Variants in CALN1 observed in about 807,000 individuals in gnomAD.
CALN1 encodes the protein calcium-binding protein 8.
In CALN1, 17 loss-of-function variants were observed where a neutral mutation model predicts 30.6. That is an observed-to-expected ratio of 0.56 (90% CI 0.38 to 0.83). The LOEUF is 0.83. Ranked by LOEUF, CALN1 falls within the 40% of genes least tolerant of loss-of-function variation. The probability of loss-of-function intolerance (pLI) is 0.00; values close to 1 mark genes in which losing one functional copy is unlikely to be tolerated. For missense variants in CALN1, 291 were observed against 354.9 expected, an observed-to-expected ratio of 0.82 and a Z score of 1.45; for synonymous variants, 156 against 131.4, an observed-to-expected ratio of 1.19 and a Z score of -1.28.
rs1412768322 is a variant in CALN1 at position 71,782,133 on chromosome 7, C to G, written c.*5642G>C. 1 of 152,112 alleles carries G rather than the reference C, an allele frequency of 6.6e-6. No homozygotes were observed. Among genetic ancestry groups the G allele is most frequent in the East Asian group, 1.9e-4 (1 of 5,190 alleles). The allele number at this position is 152,112 out of a possible 1,614,324, so 9.4% of individuals were successfully genotyped here. ...CATTGCTCCAAACCAATCATAGAGG[C>G]TGGATATTTGTTCCCCCCAAATTTC... On this transcript the variant is annotated 3_prime_UTR_variant, in exon 7 of 7. Transcript: ENST00000395275.
intron 3 of CALN1, among the ~76,000 whole-genome samples, chr7:72,226,923 GC>G (rs1793718469): frequency 6.6e-6 from 1 of 152,038 alleles, no homozygotes; most frequent in South Asian, 2.1e-4. Context: ...TATAGTTCCA[GC>G]TACCTGGGAG....
intron 4 of CALN1, among the ~76,000 whole-genome samples, chr7:72,047,167 C>A (rs1802523166): frequency 6.6e-6 from 1 of 152,128 alleles, no homozygotes; most frequent in Admixed American, 6.5e-5. Context: ...AAATTAACTC[C>A]TCCAAATTAT....
intron 4 of CALN1, among the ~76,000 whole-genome samples, chr7:72,038,636 C>T (rs895779098): frequency 1.3e-5 from 2 of 152,024 alleles, no homozygotes; most frequent in Non-Finnish European, 2.9e-5. Flanking sequence ...AATAGGAGGT[C>T]GGCACAAGAT....
At chr7:72,091,675 G>C (rs1805872482) in intron 4 of CALN1, among the ~76,000 whole-genome samples, 1 of 152,176 alleles carries the variant, frequency 6.6e-6, no homozygotes, top group African/African-American at 2.4e-5. Context: ...TAGAGACCAA[G>C]CCAGTCCATC....
intron 5 of CALN1, among the ~76,000 whole-genome samples, chr7:71,981,605 A>G (rs1798396524): frequency 6.6e-6 from 1 of 152,058 alleles, no homozygotes. Context: ...TACAGTGAGC[A>G]GACATCACAC....
chr7:71,840,482 CT>C (rs1789870795), intron 5 of CALN1, among the ~76,000 whole-genome samples: 2 of 68,528 alleles, frequency 2.9e-5, no homozygotes, highest in African/African-American at 1.3e-4. Context: ...AAGATGCTCT[CT>C]TTAAAAAAAA....
intron 2 of CALN1, among the ~76,000 whole-genome samples, chr7:72,317,224 AAAGAG>A (rs1318590658): frequency 7.2e-6 from 1 of 138,586 alleles, no homozygotes; most frequent in East Asian, 2.3e-4. Context: ...AGAGAGAAAG[AAAGAG>A]AAGAGAAGGA....
At chr7:72,373,186 A>G (rs1469046698) in intron 2 of CALN1, among the ~76,000 whole-genome samples, 3 of 152,210 alleles carry the variant, frequency 2.0e-5, no homozygotes, top group African/African-American at 4.8e-5. Flanking sequence ...ATAGACCTAT[A>G]CAAATCACGC....
intron 2 of CALN1, among the ~76,000 whole-genome samples, chr7:72,302,892 T>A (rs1337736623): frequency 8.8e-4 from 10 of 11,428 alleles, no homozygotes; most frequent in Admixed American, 1.4e-3. Flanking sequence ...AGTGAGGGTC[T>A]CAAAAAAAAA....
the CALN1 span, among the ~76,000 whole-genome samples, chr7:72,502,359 T>G: frequency 2.9e-3 from 440 of 149,846 alleles, 6 homozygotes; most frequent in African/African-American, 0.01. Flanking sequence ...GACCTGTCTT[T>G]CAAACTGTGA....
chr7:72,265,448 A>G (rs1796538740), intron 3 of CALN1, among the ~76,000 whole-genome samples: 1 of 152,186 alleles, frequency 6.6e-6, no homozygotes, highest in Non-Finnish European at 1.5e-5. Context: ...GTGTCAGTGA[A>G]GCCAACATCG....
chr7:72,189,601 C>T (rs997574370), intron 3 of CALN1, among the ~76,000 whole-genome samples: 6 of 151,794 alleles, frequency 4.0e-5, no homozygotes, highest in African/African-American at 4.8e-5. Flanking sequence ...GGTGAAACTC[C>T]GTCTCTACTA....
In CALN1 at chr7:71,865,017, A is replaced by C. The variant is rs182014677; in HGVS notation, c.502-54525T>G. Among the ~76,000 whole-genome samples the C allele has an allele frequency of 2.3e-3, 345 of 152,184 alleles. 3 individuals carry two copies. The highest frequency in any genetic ancestry group is 7.9e-3 in the African/African-American group (330 of 41,524). On this transcript the variant is annotated intron_variant, in intron 5 of 6. Coordinates refer to ENST00000395275, the MANE Select transcript of CALN1 (RefSeq NM_031468.4). ...GACCCTGTCTCCAAAAAAGGAAAAA[A>C]GAAAGAAAGAAAGAAAGAAAAGCAA...
At chr7:72,276,309 T>A (rs1797328764) in intron 3 of CALN1, among the ~76,000 whole-genome samples, 1 of 152,086 alleles carries the variant, frequency 6.6e-6, no homozygotes, top group African/African-American at 2.4e-5. Context: ...CAGTGAAGAC[T>A]CCCATAGGTA....
At chr7:72,088,707 A>AG (rs1805645809) in intron 4 of CALN1, among the ~76,000 whole-genome samples, 1 of 150,804 alleles carries the variant, frequency 6.6e-6, no homozygotes, top group African/African-American at 2.4e-5. Context: ...TCAAGAAAAA[A>AG]AAAAAAAAAA....
At chr7:71,941,503 T>C (rs1796129527) in intron 5 of CALN1, among the ~76,000 whole-genome samples, 1 of 152,136 alleles carries the variant, frequency 6.6e-6, no homozygotes, top group African/African-American at 2.4e-5. Context: ...GAACAAAATA[T>C]ATGAATAAGA....
intron 5 of CALN1, among the ~76,000 whole-genome samples, chr7:72,001,099 T>C (rs1309235945): frequency 1.3e-5 from 2 of 151,754 alleles, no homozygotes; most frequent in African/African-American, 4.8e-5. Context: ...TAACAGTAAT[T>C]GGTTGTAGCC....
chr7:72,208,102 A>C (rs1406148721), intron 3 of CALN1, among the ~76,000 whole-genome samples: 1 of 152,196 alleles, frequency 6.6e-6, no homozygotes, highest in Admixed American at 6.6e-5. Flanking sequence ...TAAATTGAGA[A>C]ATAGGGAGGA....
intron 1 of CALN1, among the ~76,000 whole-genome samples, chr7:72,405,093 C>T (rs1806610308): frequency 6.6e-6 from 1 of 152,168 alleles, no homozygotes; most frequent in Admixed American, 6.5e-5. Context: ...TGGAGTTAAG[C>T]CCTCCATCCC....
Sources: gnomAD v4.1 joint callset for allele counts (sites outside exome capture counted in the v4.1 genomes callset) on GRCh38, gnomAD v4.1.1 for gene constraint, MANE v1.5 for transcripts, NCBI Gene and HGNC (gene_info 2026-07-23, HGNC 2026-07-21) for gene names.